Variants in TM9SF4 observed in about 807,000 individuals in gnomAD.
The protein encoded by TM9SF4 is transmembrane 9 superfamily member 4.
Under a neutral mutation model 90.4 loss-of-function variants are expected in TM9SF4, and 26 were observed. That is an observed-to-expected ratio of 0.29 (90% CI 0.21 to 0.40). TM9SF4 has a LOEUF of 0.40. TM9SF4 is among the 10% of genes least tolerant of loss of function. TM9SF4 has a pLI of 1.00. For missense variants in TM9SF4, 549 were observed against 834.8 expected (o/e 0.66, Z 4.22); for synonymous variants, 293 against 315.4 (o/e 0.93, Z 0.75).
chr20:32,160,807 G>A (rs1278323261), intron 16 of TM9SF4, among the ~76,000 whole-genome samples: 1 of 151,720 alleles, frequency 6.6e-6, no homozygotes, highest in Non-Finnish European at 1.5e-5. Context: ...AAAGTTAGCC[G>A]GGTGTGGTGG....
At chr20:32,122,307 C>T (rs558711706) in intron 1 of TM9SF4, among the ~76,000 whole-genome samples, 4 of 127,202 alleles carry the variant, frequency 3.1e-5, no homozygotes, top group African/African-American at 1.6e-4. Context: ...GGGGGGCTGA[C>T]CCCCCCCACC....
At chr20:32,125,026 A>G (rs774008662) in intron 1 of TM9SF4, among the ~76,000 whole-genome samples, 2 of 152,182 alleles carry the variant, frequency 1.3e-5, no homozygotes, top group African/African-American at 2.4e-5. Flanking sequence ...TTGAGCTTCA[A>G]GGGAGGTCAT....
chr20:32,163,245 CAAAAAAAAA>C (rs67827616), intron 17 of TM9SF4, among the ~76,000 whole-genome samples: 928 of 40,872 alleles, frequency 0.023, 27 homozygotes, highest in African/African-American at 0.085. Flanking sequence ...GACTCCATCT[CAAAAAAAAA>C]AAAAAAAAAA....
intron 6 of TM9SF4, among the ~76,000 whole-genome samples, chr20:32,144,134 C>T (rs1197942211): frequency 1.3e-5 from 2 of 152,198 alleles, no homozygotes; most frequent in Admixed American, 1.3e-4. Flanking sequence ...TTAGTAGAGA[C>T]GGGGTTTCAC....
chr20:32,135,495 A>T (rs929326291), intron 2 of TM9SF4, among the ~76,000 whole-genome samples: 2 of 152,222 alleles, frequency 1.3e-5, no homozygotes, highest in African/African-American at 4.8e-5. Flanking sequence ...ACATTTTATC[A>T]GATATGCTAT....
intron 12 of TM9SF4, among the ~76,000 whole-genome samples, chr20:32,151,989 G>A (rs1425154446): frequency 2.6e-5 from 4 of 151,604 alleles, no homozygotes; most frequent in South Asian, 2.1e-4. Context: ...CACCTCCCGA[G>A]TAGCTGGGAC....
At chr20:32,116,304 G>A (rs1478682028) in intron 1 of TM9SF4, 1 of 152,174 alleles carries the variant, frequency 6.6e-6, no homozygotes, top group African/African-American at 2.4e-5. Flanking sequence ...GCACAGAGAG[G>A]GCACTCTGTA....
intron 2 of TM9SF4, among the ~76,000 whole-genome samples, chr20:32,133,636 C>T (rs1346457103): frequency 6.6e-6 from 1 of 152,194 alleles, no homozygotes; most frequent in Non-Finnish European, 1.5e-5. Context: ...TATTTACATG[C>T]CAGGCATTGT....
chr20:32,116,692 G>A (rs1186470372), intron 1 of TM9SF4: 1 of 152,032 alleles, frequency 6.6e-6, no homozygotes, highest in Non-Finnish European at 1.5e-5. Flanking sequence ...GAGTTCTTTA[G>A]TTCCATGGGC....
intron 6 of TM9SF4, among the ~76,000 whole-genome samples, 186 bp downstream of exon 6, chr20:32,143,291 A>G (rs2046708306): frequency 1.3e-5 from 2 of 152,212 alleles, no homozygotes; most frequent in South Asian, 2.1e-4. Context: ...TGACAGCTGC[A>G]GTGTCACGGG....
chr20:32,114,093 T>C lies in TM9SF4; in HGVS notation c.15+4338T>C, dbSNP rs547613104. ...TGGGATTGTTTTCACTTTTTGGTTG[T>C]TAGGTATAATGCTGCTGTGAACATT... On this transcript the variant is annotated intron_variant, in intron 1 of 17. Transcript: ENST00000398022. 2.0e-5 allele frequency among the ~76,000 whole-genome samples: 3 copies of C among 152,324 alleles called. No individual in the cohort carries two copies. The East Asian group carries it at 5.8e-4, about 29-fold the overall frequency.
intron 3 of TM9SF4, among the ~76,000 whole-genome samples, chr20:32,139,183 C>T (rs1021232950): frequency 1.3e-5 from 2 of 152,258 alleles, no homozygotes; most frequent in East Asian, 1.9e-4. Flanking sequence ...GCGCCTACAG[C>T]GGTGTAGCTC....
At chr20:32,151,896 C>G (rs1215802973) in intron 12 of TM9SF4, among the ~76,000 whole-genome samples, 9 of 149,200 alleles carry the variant, frequency 6.0e-5, no homozygotes, top group African/African-American at 2.2e-4. Context: ...GAGTCTCGCT[C>G]TGTTGCCCAG....
At chr20:32,112,831 C>T (rs1363402249) in intron 1 of TM9SF4, among the ~76,000 whole-genome samples, 1 of 152,046 alleles carries the variant, frequency 6.6e-6, no homozygotes, top group Admixed American at 6.6e-5. Context: ...GAGTATGTAA[C>T]ATATGCAGTG....
chr20:32,121,060 A>G (rs1185646070), intron 1 of TM9SF4, among the ~76,000 whole-genome samples: 1 of 152,180 alleles, frequency 6.6e-6, no homozygotes, highest in Non-Finnish European at 1.5e-5. Context: ...ATCATCATGA[A>G]CACACAGGAT....
At chr20:32,128,885 T>TGGGA (rs2046466486) in intron 1 of TM9SF4, among the ~76,000 whole-genome samples, 2 of 150,158 alleles carry the variant, frequency 1.3e-5, no homozygotes, top group African/African-American at 4.9e-5. Flanking sequence ...AAAGAAAAGG[T>TGGGA]GGGAGGTGCT....
chr20:32,157,026 C>T (rs2046935600), intron 13 of TM9SF4, among the ~76,000 whole-genome samples: 1 of 139,188 alleles, frequency 7.2e-6, no homozygotes, highest in South Asian at 2.3e-4. Flanking sequence ...CAGTTCACTG[C>T]AACCTCCACC....
chr20:32,122,329 C>T (rs2046332061), intron 1 of TM9SF4, among the ~76,000 whole-genome samples: 3 of 150,336 alleles, frequency 2.0e-5, no homozygotes, highest in South Asian at 4.2e-4. Context: ...CCCTCCCGGA[C>T]GGGGTGGCTG....
chr20:32,123,866 A>ATATTTTTTTTTTT, intron 1 of TM9SF4, among the ~76,000 whole-genome samples: 2 of 93,964 alleles, frequency 2.1e-5, no homozygotes, highest in Non-Finnish European at 3.9e-5. Context: ...ATATATATAT[A>ATATTTTTTTTTTT]TTTTTTTTTT....
Sources: allele counts gnomAD v4.1 joint callset (sites outside exome capture counted in the v4.1 genomes callset), GRCh38; gene constraint gnomAD v4.1.1; transcripts MANE v1.5; gene names NCBI Gene and HGNC (gene_info 2026-07-23, HGNC 2026-07-21).